Variants in IDE observed in about 807,000 individuals in gnomAD.
IDE encodes the protein insulin degrading enzyme.
In IDE, 58 loss-of-function variants were observed where a neutral mutation model predicts 133.2. The ratio of observed to expected loss-of-function variants is 0.44; its 90% CI spans 0.35 to 0.54. The LOEUF (loss-of-function observed/expected upper bound fraction) is 0.54. IDE is among the 20% of genes least tolerant of loss of function. IDE has a pLI of 0.00. For synonymous variants in IDE, 396 were observed against 421.3 expected, an observed-to-expected ratio of 0.94 and a Z score of 0.73; for missense variants, 981 against 1,234.0, an observed-to-expected ratio of 0.79 and a Z score of 3.07.
At chr10:92,494,455 G>A (rs1847569867) in intron 11 of IDE, among the ~76,000 whole-genome samples, 1 of 151,290 alleles carries the variant, frequency 6.6e-6, no homozygotes, top group East Asian at 1.9e-4. Context: ...AGAAATGAGA[G>A]AACAGGCCAG....
At chr10:92,461,733 C>CTGTA (rs1394485854) in intron 21 of IDE, among the ~76,000 whole-genome samples, 1 of 151,636 alleles carries the variant, frequency 6.6e-6, no homozygotes, top group Non-Finnish European at 1.5e-5. Context: ...GGTGCGATCT[C>CTGTA]AGCTCACTGT....
At chr10:92,566,665 A>G (rs1843570606) in intron 1 of IDE, among the ~76,000 whole-genome samples, 2 of 148,282 alleles carry the variant, frequency 1.3e-5, no homozygotes, top group African/African-American at 2.5e-5. Flanking sequence ...GTACCAAAGA[A>G]AAAAAAAAAG....
At chr10:92,471,266 T>G (rs1052271175) in intron 17 of IDE, among the ~76,000 whole-genome samples, 2 of 152,170 alleles carry the variant, frequency 1.3e-5, no homozygotes, top group African/African-American at 4.8e-5. Context: ...TAGTAATAAC[T>G]GCTACATGCA....
At chr10:92,548,368 A>T (rs894679533) in intron 1 of IDE, among the ~76,000 whole-genome samples, 1 of 135,980 alleles carries the variant, frequency 7.4e-6, no homozygotes, top group African/African-American at 2.7e-5. Flanking sequence ...TCAAAAAAAA[A>T]AAAAAAAAAA....
intron 17 of IDE, among the ~76,000 whole-genome samples, chr10:92,473,549 A>G (rs2135386601): frequency 6.6e-6 from 1 of 152,262 alleles, no homozygotes; most frequent in African/African-American, 2.4e-5. Flanking sequence ...TAGGGAAAAA[A>G]ACAACAAAAG....
chr10:92,464,993 C>T (rs1845597970), intron 20 of IDE, among the ~76,000 whole-genome samples: 2 of 152,198 alleles, frequency 1.3e-5, no homozygotes, highest in African/African-American at 4.8e-5. Context: ...CTTATAATAA[C>T]ATTTACCATG....
intron 12 of IDE, 114 bp from the exon 13 acceptor site, chr10:92,487,432 G>T: frequency 1.1e-6 from 1 of 884,716 alleles, no homozygotes; most frequent in Non-Finnish European, 1.7e-6. Context: ...ACACAGCATT[G>T]TTTTCCATCA....
intron 18 of IDE, among the ~76,000 whole-genome samples, chr10:92,469,533 A>C (rs1256348766): frequency 6.6e-6 from 1 of 151,786 alleles, no homozygotes; most frequent in Non-Finnish European, 1.5e-5. Flanking sequence ...GGCTCAAGAG[A>C]TCCTCTTGCC....
intron 4 of IDE, among the ~76,000 whole-genome samples, chr10:92,531,067 G>A (rs184577437): frequency 9.2e-5 from 14 of 152,192 alleles, no homozygotes; most frequent in Admixed American, 6.5e-4. Flanking sequence ...ATTACCTCTG[G>A]TGAGCATGAC....
intron 1 of IDE, among the ~76,000 whole-genome samples, chr10:92,565,035 C>T (rs980854009): frequency 6.6e-6 from 1 of 151,908 alleles, no homozygotes; most frequent in African/African-American, 2.4e-5. Flanking sequence ...CACCTGAGGT[C>T]AGGAGTTTGA....
chr10:92,561,373 A>G (rs1843274150), intron 1 of IDE, among the ~76,000 whole-genome samples: 1 of 152,206 alleles, frequency 6.6e-6, no homozygotes, highest in South Asian at 2.1e-4. Flanking sequence ...TCAACCTCCT[A>G]TAGTTGCCAT....
chr10:92,545,861 G>A (rs964166801), intron 1 of IDE, among the ~76,000 whole-genome samples: 1 of 152,128 alleles, frequency 6.6e-6, no homozygotes, highest in African/African-American at 2.4e-5. Context: ...ATTTGGTATG[G>A]GTACAACCAT....
intron 2 of IDE, among the ~76,000 whole-genome samples, chr10:92,536,320 C>A (rs11187057): frequency 1.4e-5 from 2 of 147,670 alleles, no homozygotes; most frequent in South Asian, 2.1e-4. Context: ...GAGGTGGAGG[C>A]TGCAGTCAGC....
intron 15 of IDE, among the ~76,000 whole-genome samples, chr10:92,476,490 A>T (rs1424229467): frequency 2.0e-5 from 3 of 151,912 alleles, no homozygotes; most frequent in Non-Finnish European, 2.9e-5. Flanking sequence ...CATCTTTTTT[A>T]AAAAATATAT....
rs190927920 is a variant in IDE at position 92,475,596 on chromosome 10, C to A, written c.1995+288G>T. 9.5e-4 allele frequency among the ~76,000 whole-genome samples: 145 copies of A among 152,110 alleles called. No homozygotes were observed. The East Asian group carries it at 0.027, about 28-fold the overall frequency. On this transcript the variant is annotated intron_variant, in intron 16 of 24. Coordinates refer to ENST00000265986, the MANE Select transcript of IDE (RefSeq NM_004969.4). Reference sequence around the variant, plus strand: ...GGTTGGGATGGAACATTCAAGGAGGCCCTGACAGCCACTAAGTGCTTCTCT... The same window carrying A: ...GGTTGGGATGGAACATTCAAGGAGGACCTGACAGCCACTAAGTGCTTCTCT...
At position 92,459,915 on chromosome 10, in the gene IDE, C is replaced by T. The variant is rs553915719; in HGVS notation, c.2823+1276G>A. Among the ~76,000 whole-genome samples, 215 of 150,794 alleles carry T rather than the reference C, an allele frequency of 1.4e-3. 1 individual carries two copies. The highest frequency in any genetic ancestry group is 4.8e-3 in the African/African-American group (195 of 40,990). On this transcript the variant is annotated intron_variant, in intron 22 of 24. Transcript: ENST00000265986. ...TGCGATCTCAGCTCACTGCAACCTC[C>T]GCCTCCCGGGTTCAAGTGATTCTTC...
At chr10:92,459,824 CTTT>C (rs901315055) in intron 22 of IDE, among the ~76,000 whole-genome samples, 6 of 92,784 alleles carry the variant, frequency 6.5e-5, no homozygotes, top group South Asian at 7.3e-4. Context: ...GTGTGAACCT[CTTT>C]TTTTTTTTTT....
chr10:92,574,063 G>T lies in IDE; in HGVS notation c.-44C>A. ...GGATCACCGCAAACGCTTCCTGCTTGCGCTTCGAGCCGGCCCTGCGCACTG... is the reference window on the plus strand; with the variant it reads ...GGATCACCGCAAACGCTTCCTGCTTTCGCTTCGAGCCGGCCCTGCGCACTG... On this transcript the variant is annotated 5_prime_UTR_variant, in exon 1 of 25. Coordinates refer to ENST00000265986, the MANE Select transcript of IDE (RefSeq NM_004969.4). The T allele has an allele frequency of 6.9e-7, 1 of 1,449,500 alleles. No homozygotes were observed. 89.8% of individuals were successfully genotyped at this position (1,449,500 alleles called of 1,614,324 possible).
chr10:92,506,426 A>G lies in IDE; in HGVS notation c.1326+16T>C. 1 of 1,370,370 alleles carries G rather than the reference A, an allele frequency of 7.3e-7. No homozygotes were observed. The highest frequency in any genetic ancestry group is 1.0e-6 in the Non-Finnish European group (1 of 964,840). The allele number at this position is 1,370,370 out of a possible 1,614,324, so 84.9% of individuals were successfully genotyped here. On this transcript the variant is annotated intron_variant, in intron 10 of 24. Transcript: ENST00000265986. ...TCCACACAGCAATGTATACAGTAAA[A>G]TAACAACAAACTTACATGCAATATT...
Sources: gnomAD v4.1 joint callset for allele counts (sites outside exome capture counted in the v4.1 genomes callset) on GRCh38, gnomAD v4.1.1 for gene constraint, MANE v1.5 for transcripts, NCBI Gene and HGNC (gene_info 2026-07-23, HGNC 2026-07-21) for gene names.